The following GNAL variants were observed in gnomAD, a reference collection of about 807,000 sequenced individuals.
GNAL encodes guanine nucleotide-binding protein G(olf) subunit alpha.
Under a neutral mutation model 55.1 loss-of-function variants are expected in GNAL, and 18 were observed. The ratio of observed to expected loss-of-function variants is 0.33; its 90% CI spans 0.23 to 0.48. GNAL has a LOEUF of 0.48. Among genes scored for constraint, GNAL ranks in the 20% least tolerant of loss-of-function variants. The pLI is 0.99. For synonymous variants in GNAL, 253 were observed against 237.0 expected (o/e 1.07, Z -0.62); for missense variants, 412 against 614.1 (o/e 0.67, Z 3.48).
chr18:11,840,968 G>GGCTCAAGTGACCTCCCAC (rs2035601610), intron 5 of GNAL, among the ~76,000 whole-genome samples: 1 of 150,374 alleles, frequency 6.7e-6, no homozygotes, highest in Non-Finnish European at 1.5e-5. Flanking sequence ...GGACCTCCCA[G>GGCTCAAGTGACCTCCCAC]GCTCAAGTGA....
At chr18:11,754,289 C>T (rs1421307858) in intron 4 of GNAL, among the ~76,000 whole-genome samples, 3 of 151,924 alleles carry the variant, frequency 2.0e-5, no homozygotes, top group Admixed American at 6.6e-5. Context: ...TGGTGGTGTG[C>T]GCCTGTAATC....
intron 1 of GNAL, among the ~76,000 whole-genome samples, chr18:11,718,776 T>C (rs1056826849): frequency 1.3e-5 from 2 of 152,204 alleles, no homozygotes; most frequent in Non-Finnish European, 2.9e-5. Context: ...TGTACTAAGA[T>C]GATGATCTGT....
chr18:11,855,223 A>G (rs2035977757), intron 5 of GNAL, among the ~76,000 whole-genome samples: 1 of 152,112 alleles, frequency 6.6e-6, no homozygotes, highest in East Asian at 1.9e-4. Context: ...TACAGGCGTG[A>G]GCCACCGCGC....
intron 5 of GNAL, among the ~76,000 whole-genome samples, chr18:11,848,105 C>T (rs1328508331): frequency 5.9e-5 from 9 of 152,130 alleles, no homozygotes; most frequent in Admixed American, 3.9e-4. Flanking sequence ...GGCCACAGAG[C>T]GCCCAGCACC....
intron 4 of GNAL, among the ~76,000 whole-genome samples, chr18:11,823,898 AC>A (rs2143644771): frequency 6.6e-6 from 1 of 152,292 alleles, no homozygotes; most frequent in African/African-American, 2.4e-5. Context: ...GGGTAATATT[AC>A]CAATATGAAC....
intron 8 of GNAL, among the ~76,000 whole-genome samples, chr18:11,867,571 T>C (rs1227180360): frequency 6.6e-6 from 1 of 151,728 alleles, no homozygotes; most frequent in Non-Finnish European, 1.5e-5. Flanking sequence ...TCCCAGCACT[T>C]TGGGAGGCCG....
chr18:11,729,896 C>A (rs2032296757), intron 1 of GNAL, among the ~76,000 whole-genome samples: 1 of 152,096 alleles, frequency 6.6e-6, no homozygotes, highest in Non-Finnish European at 1.5e-5. Flanking sequence ...AATCATAAAG[C>A]AACACATGGA....
intron 1 of GNAL, among the ~76,000 whole-genome samples, chr18:11,736,051 A>G (rs938050501): frequency 2.0e-5 from 3 of 152,150 alleles, no homozygotes; most frequent in Non-Finnish European, 4.4e-5. Flanking sequence ...ATGCCAGTAC[A>G]TCTCCAAATC....
At chr18:11,794,711 G>T (rs2034329821) in intron 4 of GNAL, among the ~76,000 whole-genome samples, 1 of 138,032 alleles carries the variant, frequency 7.2e-6, no homozygotes, top group Non-Finnish European at 1.5e-5. Flanking sequence ...CTTTTAAATG[G>T]TTACTTTTAT....
intron 5 of GNAL, among the ~76,000 whole-genome samples, chr18:11,848,211 A>G (rs2035779687): frequency 6.6e-6 from 1 of 152,160 alleles, no homozygotes; most frequent in South Asian, 2.1e-4. Flanking sequence ...CCTATTGAAC[A>G]CCGTGGAAAT....
intron 4 of GNAL, among the ~76,000 whole-genome samples, chr18:11,766,175 T>C (rs1214505414): frequency 6.6e-6 from 1 of 152,242 alleles, no homozygotes; most frequent in Non-Finnish European, 1.5e-5. Context: ...ATAATGAAGT[T>C]GTTCTTGAGG....
intron 1 of GNAL, chr18:11,746,766 C>T: frequency 2.8e-6 from 1 of 362,994 alleles, no homozygotes; most frequent in Non-Finnish European, 5.5e-6. Context: ...GCAAAATACA[C>T]TCCCCAGACA....
At position 11,689,486 on chromosome 18, in the gene GNAL, C is replaced by A; in HGVS notation, c.-78C>A. The A allele has an allele frequency of 1.5e-6, 1 of 645,768 alleles. No individual in the cohort carries two copies. Among genetic ancestry groups the A allele is most frequent in the Non-Finnish European group, 2.2e-6 (1 of 456,630 alleles). 40.0% of individuals were successfully genotyped at this position (645,768 alleles called of 1,614,324 possible). ...CCCTCCGCTGAGGCGCCGGCCTGAA[C>A]TGGGCGCGGGAACCAGGCCGCCCTC... On this transcript the variant is annotated 5_prime_UTR_variant, in exon 1 of 12. In the 5' UTR this introduces an upstream ATG that the reference lacks. Transcript: ENST00000334049.
chr18:11,690,367 CT>C (rs1181217771), intron 1 of GNAL, among the ~76,000 whole-genome samples: 1 of 152,112 alleles, frequency 6.6e-6, no homozygotes, highest in African/African-American at 2.4e-5. Context: ...TTTATAAGGC[CT>C]TTTAGCTTGA....
chr18:11,861,119 G>A (rs1406000248), intron 5 of GNAL, among the ~76,000 whole-genome samples: 3 of 152,106 alleles, frequency 2.0e-5, no homozygotes. Flanking sequence ...CCTACCAAAG[G>A]ACAGAACCAG....
rs537324459 is a variant in GNAL, at chr18:11,821,071, C to G, written c.625-3847C>G. 2.6e-5 allele frequency among the ~76,000 whole-genome samples: 4 copies of G among 152,166 alleles called. No individual in the cohort carries two copies. The South Asian group carries it at 6.2e-4, about 24-fold the overall frequency. On this transcript the variant is annotated intron_variant, in intron 4 of 11. Coordinates refer to ENST00000334049, the MANE Select transcript of GNAL (RefSeq NM_182978.4). ...AACAACAGGACATTAAGCCTTATCC[C>G]ATGAACTGAATTTACACTTGGCATC...
chr18:11,817,868 C>T (rs563401079), intron 4 of GNAL, among the ~76,000 whole-genome samples: 2 of 152,064 alleles, frequency 1.3e-5, no homozygotes, highest in South Asian at 4.2e-4. Context: ...GTATTACAGG[C>T]GTGAGCCACC....
chr18:11,786,688 T>C (rs2034072233), intron 4 of GNAL, among the ~76,000 whole-genome samples: 1 of 148,514 alleles, frequency 6.7e-6, no homozygotes, highest in African/African-American at 2.6e-5. Flanking sequence ...CCTGACCTCG[T>C]GATCTGCCCA....
chr18:11,727,974 C>T (rs1181877252), intron 1 of GNAL, among the ~76,000 whole-genome samples: 1 of 152,088 alleles, frequency 6.6e-6, no homozygotes. Context: ...TGCCTATAAC[C>T]CCAACAATCT....
Sources: gnomAD v4.1 joint callset for allele counts (sites outside exome capture counted in the v4.1 genomes callset) on GRCh38, gnomAD v4.1.1 for gene constraint, MANE v1.5 for transcripts, NCBI Gene and HGNC (gene_info 2026-07-23, HGNC 2026-07-21) for gene names.